The following EPB41L2 variants were observed in gnomAD, a reference collection of about 807,000 sequenced individuals.
EPB41L2 encodes the protein band 4.1-like protein 2.
Under a neutral mutation model 113.0 loss-of-function variants are expected in EPB41L2, and 43 were observed. The observed-to-expected ratio is 0.38, with a 90% CI of 0.30 to 0.49. The LOEUF (loss-of-function observed/expected upper bound fraction) is 0.49, where lower values mean the gene tolerates loss of function less well. Among genes scored for constraint, EPB41L2 ranks in the 20% least tolerant of loss-of-function variants. The pLI is 0.95. For synonymous variants in EPB41L2, 442 were observed against 436.7 expected (o/e 1.01, Z -0.15); for missense variants, 1,147 against 1,223.4 (o/e 0.94, Z 0.93).
chr6:130,940,488 T>TG (rs1562538548), intron 3 of EPB41L2, among the ~76,000 whole-genome samples: 1 of 150,612 alleles, frequency 6.6e-6, no homozygotes, highest in Admixed American at 6.6e-5. Flanking sequence ...TTTTGGGAGA[T>TG]GGAGTCTCAC....
chr6:131,003,892 A>G (rs1295073091), intron 1 of EPB41L2, among the ~76,000 whole-genome samples: 2 of 152,258 alleles, frequency 1.3e-5, no homozygotes, highest in African/African-American at 4.8e-5. Context: ...TGTCCCTGGA[A>G]TGCAGCTTGC....
At chr6:130,893,051 TA>T in intron 10 of EPB41L2, among the ~76,000 whole-genome samples, 1 of 152,262 alleles carries the variant, frequency 6.6e-6, no homozygotes, top group East Asian at 1.9e-4. Flanking sequence ...ATAAGCAAAC[TA>T]CATGTAAAAA....
intron 15 of EPB41L2, 150 bp from the exon 16 acceptor site, chr6:130,867,731 AAAAG>A: frequency 1.0e-6 from 1 of 959,510 alleles, no homozygotes; most frequent in South Asian, 1.6e-5. Flanking sequence ...TAAAACAAAC[AAAAG>A]AAATAAAAGA....
chr6:131,062,281 GCTGGGGGCAGCGTCTGCGC>G (rs1303194475), intron 1 of EPB41L2: 1 of 151,936 alleles, frequency 6.6e-6, no homozygotes, highest in Non-Finnish European at 1.5e-5. Flanking sequence ...ACCTCAGGCT[GCTGGGGGCAGCGTCTGCGC>G]CTGGGGATGG....
intron 4 of EPB41L2, among the ~76,000 whole-genome samples, chr6:130,918,131 T>C (rs887412419): frequency 7.9e-5 from 12 of 152,300 alleles, no homozygotes; most frequent in Admixed American, 6.5e-5. Context: ...TGGGAGAATG[T>C]GGGATTATAA....
chr6:130,855,490 T>A (rs1367878453), intron 19 of EPB41L2, among the ~76,000 whole-genome samples: 1 of 152,222 alleles, frequency 6.6e-6, no homozygotes, highest in Non-Finnish European at 1.5e-5. Context: ...TTTCTGCTTA[T>A]GGGCCCATTA....
intron 11 of EPB41L2, among the ~76,000 whole-genome samples, chr6:130,888,174 A>G (rs2128476290): frequency 6.6e-6 from 1 of 152,338 alleles, no homozygotes; most frequent in Non-Finnish European, 1.5e-5. Context: ...ATAAAAGCTC[A>G]GTGCCAGGTT....
intron 3 of EPB41L2, among the ~76,000 whole-genome samples, chr6:130,938,669 C>T: frequency 6.6e-6 from 1 of 152,144 alleles, no homozygotes; most frequent in Non-Finnish European, 1.5e-5. Flanking sequence ...AGCCTCCTCC[C>T]ACCCCAAAAT....
intron 11 of EPB41L2, among the ~76,000 whole-genome samples, chr6:130,885,507 G>A (rs921328872): frequency 3.3e-5 from 5 of 152,114 alleles, no homozygotes; most frequent in South Asian, 4.1e-4. Context: ...CAAACCACAG[G>A]TATTGGAAGG....
intron 16 of EPB41L2, 115 bp downstream of exon 16, chr6:130,867,344 A>T: frequency 1.5e-6 from 2 of 1,348,690 alleles, no homozygotes; most frequent in Non-Finnish European, 2.0e-6. Context: ...CAAAGTGCAG[A>T]TACAAAAAGC....
At chr6:131,008,743 G>A (rs1786212074) in intron 1 of EPB41L2, among the ~76,000 whole-genome samples, 2 of 152,228 alleles carry the variant, frequency 1.3e-5, no homozygotes, top group African/African-American at 2.4e-5. Flanking sequence ...TGGAGTCAAA[G>A]GAGATCGTTT....
chr6:130,884,427 C>CA (rs1426595670), intron 12 of EPB41L2, among the ~76,000 whole-genome samples: 3 of 151,678 alleles, frequency 2.0e-5, no homozygotes, highest in Non-Finnish European at 4.4e-5. Flanking sequence ...ATGTTGCATG[C>CA]AAAAAAAAGT....
intron 3 of EPB41L2, among the ~76,000 whole-genome samples, chr6:130,941,247 T>C (rs142647838): frequency 7.9e-5 from 12 of 152,294 alleles, no homozygotes; most frequent in Non-Finnish European, 2.9e-5. Flanking sequence ...TTTTTAAAAA[T>C]GAAAACCCAG....
chr6:130,866,467 C>T (rs1260871867), intron 16 of EPB41L2, among the ~76,000 whole-genome samples: 2 of 152,170 alleles, frequency 1.3e-5, no homozygotes, highest in African/African-American at 2.4e-5. Flanking sequence ...GGTCATGCAC[C>T]TGTATGTCTT....
chr6:130,898,667 CCT>C (rs1285086140), intron 8 of EPB41L2, among the ~76,000 whole-genome samples: 1 of 151,814 alleles, frequency 6.6e-6, no homozygotes, highest in Non-Finnish European at 1.5e-5. Flanking sequence ...TAACTCATAC[CCT>C]GTGACTCTCG....
At chr6:130,938,419 A>G (rs879858907) in intron 3 of EPB41L2, among the ~76,000 whole-genome samples, 7 of 152,188 alleles carry the variant, frequency 4.6e-5, no homozygotes, top group African/African-American at 1.7e-4. Flanking sequence ...TGGAGTGTGG[A>G]GGGAGGGGGA....
intron 5 of EPB41L2, among the ~76,000 whole-genome samples, chr6:130,905,640 G>A (rs773270284): frequency 1.4e-4 from 21 of 151,932 alleles, no homozygotes; most frequent in Admixed American, 9.2e-4. Context: ...GGCTTGTCTC[G>A]AATCCCTGGG....
At chr6:131,035,829 G>A (rs1413150313) in intron 1 of EPB41L2, among the ~76,000 whole-genome samples, 1 of 152,222 alleles carries the variant, frequency 6.6e-6, no homozygotes, top group Non-Finnish European at 1.5e-5. Context: ...TCAGAAGTGA[G>A]AGGTTAGCAA....
At chr6:131,012,538 G>A (rs1787281846) in intron 1 of EPB41L2, among the ~76,000 whole-genome samples, 1 of 149,534 alleles carries the variant, frequency 6.7e-6, no homozygotes, top group Non-Finnish European at 1.5e-5. Context: ...ATACAATGAA[G>A]AAGAAACTGA....
Sources: gnomAD v4.1 joint callset for allele counts (sites outside exome capture counted in the v4.1 genomes callset) on GRCh38, gnomAD v4.1.1 for gene constraint, MANE v1.5 for transcripts, NCBI Gene and HGNC (gene_info 2026-07-23, HGNC 2026-07-21) for gene names.